EXOC6B: variants seen among roughly 807,000 people sequenced by gnomAD.
The protein encoded by EXOC6B is exocyst complex component 6B.
A neutral mutation model predicts 113.5 loss-of-function variants in EXOC6B; 54 were observed. The observed-to-expected ratio is 0.48, with a 90% CI of 0.38 to 0.60. The LOEUF is 0.60. Ranked by LOEUF, EXOC6B falls within the 20% of genes least tolerant of loss-of-function variation. The pLI is 0.00. For missense variants in EXOC6B, 797 were observed against 977.5 expected (o/e 0.82, Z 2.46); for synonymous variants, 357 against 339.0 (o/e 1.05, Z -0.58).
chr2:72,346,843 T>C (rs1001491419), intron 19 of EXOC6B, among the ~76,000 whole-genome samples: 9 of 152,022 alleles, frequency 5.9e-5, no homozygotes, highest in Non-Finnish European at 8.8e-5. Context: ...CATAGACAAA[T>C]AATAGCCAAG....
At chr2:72,198,146 G>C (rs983936052) in intron 20 of EXOC6B, among the ~76,000 whole-genome samples, 6 of 152,080 alleles carry the variant, frequency 3.9e-5, no homozygotes, top group Non-Finnish European at 8.8e-5. Context: ...GAGGACATAG[G>C]GCCAATATGA....
chr2:72,557,250 T>C (rs1482201038), intron 8 of EXOC6B, among the ~76,000 whole-genome samples: 1 of 107,968 alleles, frequency 9.3e-6, no homozygotes, highest in Non-Finnish European at 1.7e-5. Flanking sequence ...TTGTAAACAA[T>C]GAATGAATGG....
chr2:72,254,907 T>A (rs889698972), intron 20 of EXOC6B, among the ~76,000 whole-genome samples: 1 of 152,090 alleles, frequency 6.6e-6, no homozygotes, highest in Non-Finnish European at 1.5e-5. Flanking sequence ...TATGGTAAAA[T>A]GTGATAGAAA....
intron 20 of EXOC6B, among the ~76,000 whole-genome samples, chr2:72,331,997 T>C (rs975781792): frequency 1.3e-5 from 2 of 152,098 alleles, no homozygotes; most frequent in African/African-American, 4.8e-5. Context: ...ACTTTAAAAT[T>C]ATTCATTAAA....
intron 1 of EXOC6B, among the ~76,000 whole-genome samples, chr2:72,765,674 A>AAAAAAC (rs1683016833): frequency 1.3e-5 from 2 of 152,312 alleles, no homozygotes; most frequent in Non-Finnish European, 1.5e-5. Flanking sequence ...CTCCATCTCA[A>AAAAAAC]AAAAACAAAA....
chr2:72,689,672 G>A (rs138833259), intron 6 of EXOC6B, among the ~76,000 whole-genome samples: 70 of 152,192 alleles, frequency 4.6e-4, no homozygotes, highest in African/African-American at 1.7e-3. Flanking sequence ...TTACTCACAC[G>A]CTTGTTCTCC....
chr2:72,672,254 C>T (rs1336936011), intron 6 of EXOC6B, among the ~76,000 whole-genome samples: 6 of 150,218 alleles, frequency 4.0e-5, no homozygotes, highest in African/African-American at 1.2e-4. Flanking sequence ...TATCTACACT[C>T]GCATGTTTAT....
chr2:72,602,839 A>G (rs1670513064), intron 6 of EXOC6B, among the ~76,000 whole-genome samples: 1 of 152,192 alleles, frequency 6.6e-6, no homozygotes, highest in South Asian at 2.1e-4. Flanking sequence ...CTCCCCACTC[A>G]GTATACTTGG....
intron 6 of EXOC6B, among the ~76,000 whole-genome samples, chr2:72,704,363 C>T (rs1266309073): frequency 2.0e-5 from 3 of 150,802 alleles, no homozygotes; most frequent in Non-Finnish European, 4.4e-5. Context: ...TAAATGCCCA[C>T]AAGAGGAAGC....
intron 20 of EXOC6B, among the ~76,000 whole-genome samples, chr2:72,271,841 C>T (rs1684506083): frequency 6.6e-6 from 1 of 151,702 alleles, no homozygotes; most frequent in African/African-American, 2.4e-5. Flanking sequence ...CAAAACAATG[C>T]TCAAGGAAAA....
Position 72,176,063 on chromosome 2 carries a change from T to C in EXOC6B, c.*3272A>G, listed in dbSNP as rs1342326468. 6.6e-6 allele frequency: 1 copy of C among 152,212 alleles called. No individual in the cohort carries two copies. Among genetic ancestry groups the C allele is most frequent in the Non-Finnish European group, 1.5e-5 (1 of 68,044 alleles). 9.4% of individuals were successfully genotyped at this position (152,212 alleles called of 1,614,324 possible). On this transcript the variant is annotated 3_prime_UTR_variant, in exon 22 of 22. Coordinates refer to ENST00000272427, the MANE Select transcript of EXOC6B (RefSeq NM_015189.3). ...AAATGTACAAGAGGAATAAACATGC[T>C]CTTTTCACAGAGGAGCTTTCCCCTA... is the stretch of plus-strand genomic sequence containing the variant.
chr2:72,317,722 C>A (rs1056421188), intron 20 of EXOC6B, among the ~76,000 whole-genome samples: 5 of 152,116 alleles, frequency 3.3e-5, no homozygotes, highest in Non-Finnish European at 7.4e-5. Flanking sequence ...TGTTTGAGAT[C>A]ATTCTTTTTA....
At chr2:72,336,062 A>T (rs1176159390) in intron 19 of EXOC6B, among the ~76,000 whole-genome samples, 1 of 152,122 alleles carries the variant, frequency 6.6e-6, no homozygotes, top group Non-Finnish European at 1.5e-5. Context: ...AAAGTTGGAC[A>T]GTTATACTAT....
chr2:72,193,322 G>A (rs984450737), intron 20 of EXOC6B, among the ~76,000 whole-genome samples: 3 of 152,134 alleles, frequency 2.0e-5, no homozygotes, highest in Admixed American at 1.3e-4. Flanking sequence ...TGACCCATTT[G>A]TGTTTATTGC....
At chr2:72,797,099 T>A (rs1685006200) in intron 1 of EXOC6B, among the ~76,000 whole-genome samples, 1 of 152,190 alleles carries the variant, frequency 6.6e-6, no homozygotes, top group Admixed American at 6.5e-5. Flanking sequence ...GGAATTGGGA[T>A]CTATGAGCAT....
At chr2:72,642,077 C>A (rs1673289911) in intron 6 of EXOC6B, among the ~76,000 whole-genome samples, 1 of 152,200 alleles carries the variant, frequency 6.6e-6, no homozygotes, top group Non-Finnish European at 1.5e-5. Context: ...AAAACCCCAT[C>A]TGTAGGTCAC....
chr2:72,526,861 A>G, intron 8 of EXOC6B, among the ~76,000 whole-genome samples: 1 of 152,144 alleles, frequency 6.6e-6, no homozygotes, highest in East Asian at 1.9e-4. Context: ...ATAATTAATT[A>G]TAGATTCACA....
At position 72,251,491 on chromosome 2, in the gene EXOC6B, A is replaced by AC. The variant is rs566895272; in HGVS notation, c.2197-67305_2197-67304insG. On this transcript the variant is annotated intron_variant, in intron 20 of 21. Transcript: ENST00000272427. ...TATTCACGTGAAACTAAAGGTATTC[A>AC]TTTGCAAGATGGGTAGAACCACTAA... is the stretch of plus-strand genomic sequence containing the variant. 1.1e-3 allele frequency among the ~76,000 whole-genome samples: 163 copies of AC among 152,320 alleles called. 1 individual carries two copies. Among genetic ancestry groups the AC allele is most frequent in the African/African-American group, 3.7e-3 (154 of 41,574 alleles).
chr2:72,462,498 C>A (rs2105406039), intron 18 of EXOC6B: 1 of 151,764 alleles, frequency 6.6e-6, no homozygotes, highest in East Asian at 1.9e-4. Flanking sequence ...GGGGAGGGCA[C>A]AAAAATTTCA....
Sources: allele counts gnomAD v4.1 joint callset (sites outside exome capture counted in the v4.1 genomes callset), GRCh38; gene constraint gnomAD v4.1.1; transcripts MANE v1.5; gene names NCBI Gene and HGNC (gene_info 2026-07-23, HGNC 2026-07-21).